Variants in BCL11B observed in about 807,000 individuals in gnomAD.
BCL11B encodes B-cell lymphoma/leukemia 11B.
BCL11B carries 8 observed loss-of-function variants against 49.9 expected under a neutral mutation model. The ratio of observed to expected loss-of-function variants is 0.16; its 90% CI spans 0.09 to 0.29. The LOEUF (loss-of-function observed/expected upper bound fraction) is 0.29. Among genes scored for constraint, BCL11B ranks in the 10% least tolerant of loss-of-function variants. BCL11B has a pLI of 1.00. For synonymous variants in BCL11B, 739 were observed against 637.4 expected (o/e 1.16, Z -2.40); for missense variants, 1,006 against 1,351.0 (o/e 0.74, Z 4.00).
chr14:99,266,905 G>A lies in BCL11B; in HGVS notation c.58+4256C>T, dbSNP rs4905815. Among the ~76,000 whole-genome samples, 260 of 152,384 alleles carry A rather than the reference G, an allele frequency of 1.7e-3. 3 individuals carry two copies. Among genetic ancestry groups the A allele is most frequent in the Admixed American group, 0.015 (233 of 15,306 alleles). On this transcript the variant is annotated intron_variant, in intron 1 of 3. Coordinates refer to ENST00000357195, the MANE Select transcript of BCL11B (RefSeq NM_138576.4). ...AGGGGATAAGTGAAGGCTGGTGCAA[G>A]CCGTGTTCTAAGCTATAAGACAGTG...
At position 99,176,029 on chromosome 14, in the gene BCL11B, G is replaced by A. The variant is rs765063350; in HGVS notation, c.807C>T (p.Leu269=). 5.7e-6 allele frequency: 9 copies of A among 1,581,434 alleles called. No homozygotes were observed. The highest frequency in any genetic ancestry group is 3.4e-5 in the South Asian group (3 of 87,660). The change falls in exon 4 of 4, where the codon CTC becomes CTT. Residue 269 remains leucine (L), a synonymous_variant. Transcript: ENST00000357195. ...LTPRLTIPPP[L]GPEAVAQSPL... is the part of the protein sequence containing the mutation. ...GGGACTGCGCCACGGCCTCCGGCCCGAGCGGCGGCGGGATGGTGAGCCGCG... is the reference window on the plus strand; with the variant it reads ...GGGACTGCGCCACGGCCTCCGGCCCAAGCGGCGGCGGGATGGTGAGCCGCG...
At position 99,188,095 on chromosome 14, in the gene BCL11B, G is replaced by A. The variant is rs79756567; in HGVS notation, c.641-11900C>T. Among the ~76,000 whole-genome samples, 427 of 152,270 alleles carry A rather than the reference G, an allele frequency of 2.8e-3. 14 individuals are homozygous for A. The East Asian group carries it at 0.072, about 26-fold the overall frequency. ...AGTGGCGTTAGAGCAAAAGTGTTCC[G>A]GTCTGCGGGGATTGATAAAGCACAA... On this transcript the variant is annotated intron_variant, in intron 3 of 3. Transcript: ENST00000357195.
chr14:99,191,036 T>C (rs1175601057), intron 3 of BCL11B, among the ~76,000 whole-genome samples: 2 of 152,210 alleles, frequency 1.3e-5, no homozygotes, highest in African/African-American at 2.4e-5. Context: ...TCTTTTATTA[T>C]TGGTTATTCT....
intron 3 of BCL11B, among the ~76,000 whole-genome samples, chr14:99,230,744 G>C (rs1405573112): frequency 6.6e-6 from 1 of 152,160 alleles, no homozygotes. Flanking sequence ...GTCTGGCCCA[G>C]AGCCGGACGC....
chr14:99,237,340 TA>T (rs1466982746), intron 2 of BCL11B, among the ~76,000 whole-genome samples: 1 of 151,672 alleles, frequency 6.6e-6, no homozygotes, highest in African/African-American at 2.4e-5. Flanking sequence ...ATCATCATCA[TA>T]AAGCAGAAAG....
chr14:99,175,717 G>C lies in BCL11B; in HGVS notation c.1119C>G (p.Asn373Lys), dbSNP rs1298250558. 1.7e-5 allele frequency: 25 copies of C among 1,490,498 alleles called. No individual in the cohort carries two copies. The highest frequency in any genetic ancestry group is 2.1e-5 in the Non-Finnish European group (24 of 1,136,460). The allele number at this position is 1,490,498 out of a possible 1,614,324, so 92.3% of individuals were successfully genotyped here. The change falls in exon 4 of 4, where the codon AAC becomes AAG. Residue 373 changes from asparagine (N) to lysine (K), a missense_variant. Around this residue, in one of 6 missense-constraint regions of BCL11B, gnomAD observed 97 missense variants for 81.5 expected, o/e 1.19. Coordinates refer to ENST00000357195, the MANE Select transcript of BCL11B (RefSeq NM_138576.4). ...FSRRLRELAG[N>K]SSTPPPVSPG... ...GGGACACGGGCGGCGGCGTGGAGCT[G>C]TTGCCCGCCAGCTCGCGGAGCCGCC... is the stretch of plus-strand genomic sequence containing the variant.
At chr14:99,237,069 G>C (rs1199167448) in intron 2 of BCL11B, among the ~76,000 whole-genome samples, 1 of 151,508 alleles carries the variant, frequency 6.6e-6, no homozygotes, top group Non-Finnish European at 1.5e-5. Flanking sequence ...GGGGGGCTGT[G>C]GGGGGTGTAG....
chr14:99,181,213 G>A (rs539315517), intron 3 of BCL11B, among the ~76,000 whole-genome samples: 11 of 152,308 alleles, frequency 7.2e-5, no homozygotes, highest in African/African-American at 2.6e-4. Flanking sequence ...ACTCAAGCAG[G>A]GCCCGGGGTG....
At chr14:99,235,117 C>T (rs1205063489) in intron 2 of BCL11B, among the ~76,000 whole-genome samples, 2 of 152,166 alleles carry the variant, frequency 1.3e-5, no homozygotes, top group African/African-American at 4.8e-5. Context: ...GGAAAAGCCC[C>T]ATCCGGGTTT....
At chr14:99,226,805 T>C (rs1888174946) in intron 3 of BCL11B, among the ~76,000 whole-genome samples, 1 of 152,216 alleles carries the variant, frequency 6.6e-6, no homozygotes. Context: ...AACCCTACTA[T>C]TTACTTACAG....
intron 1 of BCL11B, among the ~76,000 whole-genome samples, chr14:99,261,251 C>T (rs1170372209): frequency 2.0e-5 from 3 of 152,196 alleles, no homozygotes; most frequent in Non-Finnish European, 4.4e-5. Flanking sequence ...TGTAGACACC[C>T]CCAAAGACTG....
intron 3 of BCL11B, among the ~76,000 whole-genome samples, chr14:99,202,077 C>G (rs1887401042): frequency 6.6e-6 from 1 of 152,136 alleles, no homozygotes; most frequent in South Asian, 2.1e-4. Context: ...ACCTCTTGGG[C>G]TCAAGCAATT....
Position 99,262,646 on chromosome 14 carries a change from A to G in BCL11B, c.59-4807T>C, listed in dbSNP as rs1889369442. Reference sequence around the variant, plus strand: ...ACTGGAGACTTTACACCTGCTTCCTACGAAGAGGGAGCTCTTGCCAGCGAG... The same window carrying G: ...ACTGGAGACTTTACACCTGCTTCCTGCGAAGAGGGAGCTCTTGCCAGCGAG... On this transcript the variant is annotated intron_variant, in intron 1 of 3. Coordinates refer to ENST00000357195, the MANE Select transcript of BCL11B (RefSeq NM_138576.4). The surrounding 1 kb of genome is among the most constrained non-coding windows in gnomAD (Gnocchi z 4.2). Among the ~76,000 whole-genome samples, 1 of 152,080 alleles carries G rather than the reference A, an allele frequency of 6.6e-6. No homozygotes were observed. The highest frequency in any genetic ancestry group is 2.4e-5 in the African/African-American group (1 of 41,396).
At chr14:99,251,280 C>A (rs1889000632) in intron 2 of BCL11B, among the ~76,000 whole-genome samples, 1 of 152,200 alleles carries the variant, frequency 6.6e-6, no homozygotes, top group Admixed American at 6.5e-5. Flanking sequence ...GGAAGCCAGA[C>A]CCTTCCTCTG....
At chr14:99,240,277 G>T (rs181480797) in intron 2 of BCL11B, among the ~76,000 whole-genome samples, 73 of 152,284 alleles carry the variant, frequency 4.8e-4, no homozygotes, top group African/African-American at 1.6e-3. Flanking sequence ...GTTTTGGGTT[G>T]CATTTGATAG....
chr14:99,229,560 TC>T (rs1276662441), intron 3 of BCL11B, among the ~76,000 whole-genome samples: 1 of 152,108 alleles, frequency 6.6e-6, no homozygotes, highest in African/African-American at 2.4e-5. Context: ...TGGTAACAGC[TC>T]CTGGTCAGCA....
rs1376130622 is a variant in BCL11B, at chr14:99,173,755, G to T, written c.*396C>A. On this transcript the variant is annotated 3_prime_UTR_variant, in exon 4 of 4. Coordinates refer to ENST00000357195, the MANE Select transcript of BCL11B (RefSeq NM_138576.4). Reference sequence around the variant, plus strand: ...CCCCAAATTATAATTTAAAAGATATGCTTCCCCTCTAACATTGCTTGCGAG... The same window carrying T: ...CCCCAAATTATAATTTAAAAGATATTCTTCCCCTCTAACATTGCTTGCGAG... 8.2e-6 allele frequency: 2 copies of T among 243,044 alleles called. No homozygotes were observed. The highest frequency in any genetic ancestry group is 2.2e-5 in the African/African-American group (1 of 45,092). 15.1% of individuals were successfully genotyped at this position (243,044 alleles called of 1,614,324 possible).
chr14:99,268,725 C>T (rs950584615), intron 1 of BCL11B, among the ~76,000 whole-genome samples: 11 of 152,314 alleles, frequency 7.2e-5, no homozygotes, highest in Admixed American at 5.2e-4. Flanking sequence ...GGACCACTCT[C>T]CTAGCTTAAA....
intron 3 of BCL11B, among the ~76,000 whole-genome samples, chr14:99,214,857 G>A (rs1003853245): frequency 6.6e-6 from 1 of 152,034 alleles, no homozygotes; most frequent in African/African-American, 2.4e-5. Flanking sequence ...AGGGGTCACA[G>A]GGGCCAGGAA....
Sources: allele counts gnomAD v4.1 joint callset (sites outside exome capture counted in the v4.1 genomes callset), GRCh38; gene constraint gnomAD v4.1.1; regional missense constraint gnomAD v4.1.1; non-coding constraint Gnocchi (gnomAD v3.1); transcripts MANE v1.5; gene names NCBI Gene and HGNC (gene_info 2026-07-23, HGNC 2026-07-21).